Variants in GANC observed in about 807,000 individuals in gnomAD.
The protein encoded by GANC is glucosidase alpha, neutral C.
Under a neutral mutation model 124.2 loss-of-function variants are expected in GANC, and 117 were observed. The ratio of observed to expected loss-of-function variants is 0.94; its 90% CI spans 0.81 to 1.10. The LOEUF (loss-of-function observed/expected upper bound fraction) is 1.10. Ranked by LOEUF, GANC falls within the 50% of genes least tolerant of loss-of-function variation. The probability of loss-of-function intolerance (pLI) is 0.00; values close to 1 mark genes in which losing one functional copy is unlikely to be tolerated. For missense variants in GANC, 1,140 were observed against 1,095.0 expected (o/e 1.04, Z -0.58); for synonymous variants, 377 against 376.8 (o/e 1.00, Z -0.01).
In GANC at chr15:42,320,939, C is replaced by T. The variant is rs539163983; in HGVS notation, c.1058-846C>T. On this transcript the variant is annotated intron_variant, in intron 10 of 23. Transcript: ENST00000318010. ...CACCCTGCTCCTGCCTGCCACCTGC[C>T]AAATTTTTGTTGAAATTACTCCACT... Among the ~76,000 whole-genome samples the T allele has an allele frequency of 5.3e-5, 8 of 152,276 alleles. No homozygotes were observed. The East Asian group carries it at 7.7e-4, about 15-fold the overall frequency.
intron 15 of GANC, among the ~76,000 whole-genome samples, chr15:42,335,218 A>G (rs1350679192): frequency 6.6e-6 from 1 of 152,220 alleles, no homozygotes; most frequent in Non-Finnish European, 1.5e-5. Flanking sequence ...AATCCTCAAC[A>G]AAATACTGGC....
At chr15:42,287,892 G>T in intron 4 of GANC, 74 bp downstream of exon 4, 1 of 1,482,376 alleles carries the variant, frequency 6.7e-7, no homozygotes, top group Non-Finnish European at 9.1e-7. Flanking sequence ...AATAAATTTT[G>T]TTATGTGCAC....
chr15:42,317,894 A>G (rs771245819), intron 10 of GANC, among the ~76,000 whole-genome samples: 1 of 152,230 alleles, frequency 6.6e-6, no homozygotes, highest in Non-Finnish European at 1.5e-5. Context: ...ATCTCCCACC[A>G]TGTTCAAAGA....
chr15:42,322,615 G>C (rs141439192), intron 11 of GANC, among the ~76,000 whole-genome samples: 89 of 152,284 alleles, frequency 5.8e-4, no homozygotes, highest in African/African-American at 2.1e-3. Flanking sequence ...GAAGGGTAAG[G>C]GGGGAGTAGC....
rs1566954075 is a variant in GANC at position 42,306,568 on chromosome 15, T to C, written c.581T>C (p.Leu194Pro). The change falls in exon 7 of 24, where the codon CTG becomes CCG. Residue 194 changes from leucine to proline, a missense_variant. Physicochemically the swap from Leu to Pro is moderately conservative, Grantham distance 98 (BLOSUM62 -3). Transcript: ENST00000318010. ...CAGGAAAATCAAGAAGATCTGGGCC[T>C]GTGGGAAGAGAAATTTGGAAAATTT... Reference protein sequence around the residue: ...TSQENQEDLGLWEEKFGKFVD... With the variant: ...TSQENQEDLGPWEEKFGKFVD... The C allele has an allele frequency of 1.9e-6, 3 of 1,613,618 alleles. No homozygotes were observed. Among genetic ancestry groups the C allele is most frequent in the Non-Finnish European group, 8.5e-7 (1 of 1,179,770 alleles).
intron 10 of GANC, among the ~76,000 whole-genome samples, chr15:42,316,701 G>T (rs181124988): frequency 1.3e-5 from 2 of 152,164 alleles, no homozygotes; most frequent in Non-Finnish European, 1.5e-5. Context: ...ATAATATCCA[G>T]CCTCCCACAG....
chr15:42,305,265 A>G (rs1160556076), intron 6 of GANC, among the ~76,000 whole-genome samples: 1 of 152,164 alleles, frequency 6.6e-6, no homozygotes, highest in African/African-American at 2.4e-5. Flanking sequence ...TACAAGAAAA[A>G]AACAACCCCA....
chr15:42,330,770 C>CTTTT (rs71108160), intron 15 of GANC, 98 bp downstream of exon 15: 104 of 360,896 alleles, frequency 2.9e-4, no homozygotes, highest in South Asian at 7.7e-4. Context: ...CTTCCTTTTC[C>CTTTT]TTTTTTTTTT....
In GANC at chr15:42,273,606, A is replaced by C. The variant is rs2051612299; in HGVS notation, c.-876A>C. 1 of 788,024 alleles carries C rather than the reference A, an allele frequency of 1.3e-6. No individual in the cohort carries two copies. Among genetic ancestry groups the C allele is most frequent in the Non-Finnish European group, 2.0e-6 (1 of 511,248 alleles). The allele number at this position is 788,024 out of a possible 1,614,324, so 48.8% of individuals were successfully genotyped here. On this transcript the variant is annotated 5_prime_UTR_variant, in exon 1 of 24. Coordinates refer to ENST00000318010, the MANE Select transcript of GANC (RefSeq NM_198141.3). ...TACTGCGCAGGCGTCATCCTGTTGG[A>C]ACCTGGTCAGCTGGGTTAGAGAGAT...
In GANC at chr15:42,334,281, C is replaced by G. The variant is rs200305757; in HGVS notation, c.1741+3609C>G. ...GGTTCAAGTGATTCTCCTGCCTCAGCCTCCTGAGTGGCTGGGATTACAGGT... is the reference window on the plus strand; with the variant it reads ...GGTTCAAGTGATTCTCCTGCCTCAGGCTCCTGAGTGGCTGGGATTACAGGT... On this transcript the variant is annotated intron_variant, in intron 15 of 23. Transcript: ENST00000318010. Among the ~76,000 whole-genome samples, 593 of 152,180 alleles carry G rather than the reference C, an allele frequency of 3.9e-3. 19 individuals carry two copies. The East Asian group carries it at 0.054, about 14-fold the overall frequency.
chr15:42,293,544 A>T (rs540363712), intron 5 of GANC, among the ~76,000 whole-genome samples: 1 of 147,318 alleles, frequency 6.8e-6, no homozygotes, highest in South Asian at 2.1e-4. Context: ...TAAAATTTTG[A>T]TACTAAAAAT....
chr15:42,283,472 AATGT>A (rs1428124405), intron 3 of GANC: 2 of 605,230 alleles, frequency 3.3e-6, no homozygotes, highest in African/African-American at 3.7e-5. Context: ...GGCAAAGGAA[AATGT>A]ATGCTGTCTT....
At position 42,292,791 on chromosome 15, in the gene GANC, A is replaced by G. The variant is rs368870212; in HGVS notation, c.386A>G (p.Asp129Gly). Residue 129 changes from aspartate to glycine, a missense_variant, in exon 5 of 24, where the codon GAC becomes GGC. Physicochemically the swap from Asp to Gly is moderately conservative, Grantham distance 94 (BLOSUM62 -1). Coordinates refer to ENST00000318010, the MANE Select transcript of GANC (RefSeq NM_198141.3). Reference protein sequence around the residue: ...GSLILADGKGDLKCHITANPF... With the variant: ...GSLILADGKGGLKCHITANPF... The stretch of plus-strand genomic sequence containing the variant: ...CTGATATTGGCAGATGGAAAAGGAG[A>G]CCTGAAGTGCCATATCACAGCAAAC... The G allele has an allele frequency of 1.2e-6, 2 of 1,614,022 alleles. No homozygotes were observed. The highest frequency in any genetic ancestry group is 1.7e-6 in the Non-Finnish European group (2 of 1,180,002).
chr15:42,315,686 A>T (rs932187252), intron 10 of GANC, among the ~76,000 whole-genome samples: 8 of 152,198 alleles, frequency 5.3e-5, no homozygotes, highest in African/African-American at 1.9e-4. Flanking sequence ...ACCAGTCTAG[A>T]TGTCTCTGTG....
intron 16 of GANC, 77 bp downstream of exon 16, chr15:42,338,567 C>T (rs955002581): frequency 4.9e-6 from 5 of 1,010,752 alleles, no homozygotes; most frequent in Non-Finnish European, 7.8e-6. Context: ...GGTTACAAAT[C>T]CCTTCTCATT....
At chr15:42,286,362 T>A (rs2051788317) in intron 3 of GANC, among the ~76,000 whole-genome samples, 1 of 152,210 alleles carries the variant, frequency 6.6e-6, no homozygotes, top group Non-Finnish European at 1.5e-5. Flanking sequence ...ATCATTGCAA[T>A]AATAGATGCC....
chr15:42,334,122 T>G (rs2052266543), intron 15 of GANC, among the ~76,000 whole-genome samples: 2 of 151,568 alleles, frequency 1.3e-5, no homozygotes, highest in Admixed American at 1.3e-4. Flanking sequence ...TTTTAAAAGC[T>G]AAAAATACAA....
At chr15:42,313,328 G>T (rs1214907735) in intron 10 of GANC, among the ~76,000 whole-genome samples, 2 of 152,154 alleles carry the variant, frequency 1.3e-5, no homozygotes, top group African/African-American at 4.8e-5. Flanking sequence ...CTTGGATTTG[G>T]CAGTGGATTC....
chr15:42,347,969 G>C, intron 20 of GANC, 134 bp from the exon 21 acceptor site: 1 of 537,858 alleles, frequency 1.9e-6, no homozygotes, highest in Non-Finnish European at 3.2e-6. Context: ...TGCCATCTCT[G>C]TGCCCCAAAA....
Sources: allele counts gnomAD v4.1 joint callset (sites outside exome capture counted in the v4.1 genomes callset), GRCh38; gene constraint gnomAD v4.1.1; transcripts MANE v1.5; gene names NCBI Gene and HGNC (gene_info 2026-07-23, HGNC 2026-07-21).